The following ARAP1 variants were observed in gnomAD, a reference collection of about 807,000 sequenced individuals.
The protein encoded by ARAP1 is ArfGAP with RhoGAP domain, ankyrin repeat and PH domain 1, also known as arf-GAP with Rho-GAP domain, ANK repeat and PH domain-containing protein 1.
ARAP1 carries 76 observed loss-of-function variants against 172.2 expected under a neutral mutation model. The ratio of observed to expected loss-of-function variants is 0.44; its 90% CI spans 0.37 to 0.53. ARAP1 has a LOEUF of 0.53. Among genes scored for constraint, ARAP1 ranks in the 20% least tolerant of loss-of-function variants. The pLI is 0.00. For synonymous variants in ARAP1, 804 were observed against 803.3 expected (o/e 1.00, Z -0.01); for missense variants, 1,686 against 1,977.5 (o/e 0.85, Z 2.80).
chr11:72,705,508 T>C, intron 13 of ARAP1: 1 of 356,892 alleles, frequency 2.8e-6, no homozygotes, highest in South Asian at 6.5e-5. Flanking sequence ...AAGGGCGAAA[T>C]AGTAATTATT....
intron 5 of ARAP1, 73 bp downstream of exon 5, chr11:72,713,086 ACTCTCTGTCTGGTAGTC>A (rs1857104808): frequency 7.4e-7 from 1 of 1,359,754 alleles, no homozygotes. Context: ...ATGGCTGCCC[ACTCTCTGTCTGGTAGTC>A]CTCAGGGTCT....
rs139758455 is a variant in ARAP1, at chr11:72,697,939, C to G, written c.2709G>C (p.Pro903=). ...AVFPEGPCEE[P]LQLRKLQELS... ...GCTCCTGCAGTTTCCGTAGTTGCAG[C>G]GGCTCTTCGCAGGGCCCCTCCGGGA... The change falls in exon 19 of 35, where the codon CCG becomes CCC. Residue 903 remains proline, a synonymous_variant. Coordinates refer to ENST00000393609, the MANE Select transcript of ARAP1 (RefSeq NM_001040118.3). 26 of 1,607,020 alleles carry G rather than the reference C, an allele frequency of 1.6e-5. No individual in the cohort carries two copies. The highest frequency in any genetic ancestry group is 1.7e-6 in the Non-Finnish European group (2 of 1,176,560).
chr11:72,694,213 C>T (rs1856073089), intron 27 of ARAP1, among the ~76,000 whole-genome samples: 1 of 151,878 alleles, frequency 6.6e-6, no homozygotes, highest in Non-Finnish European at 1.5e-5. Context: ...CACATTACCG[C>T]CTTCTCCTTG....
rs776682300 is a variant in ARAP1, at chr11:72,714,252, C to T, written c.579G>A (p.Glu193=). The T allele has an allele frequency of 1.3e-6, 2 of 1,534,738 alleles. No homozygotes were observed. The highest frequency in any genetic ancestry group is 1.8e-6 in the Non-Finnish European group (2 of 1,142,438). Residue 193 remains glutamate, a synonymous_variant, in exon 4 of 35, where the codon GAG becomes GAA. Transcript: ENST00000393609. ...LSSPPQPQSE[E]PLSTLPQGPP... Reference sequence around the variant, plus strand: ...GCCCCTGGGGGAGGGTGGACAGGGGCTCCTCAGACTGTGGCTGGGGAGGGG... The same window carrying T: ...GCCCCTGGGGGAGGGTGGACAGGGGTTCCTCAGACTGTGGCTGGGGAGGGG...
In ARAP1 at chr11:72,697,306, C is replaced by T; in HGVS notation, c.2953+17G>A. On this transcript the variant is annotated intron_variant, in intron 21 of 34. Transcript: ENST00000393609. ...CTCCGGGAGGGGCGGGGCTGGCACC[C>T]TAGGGGCAGGGCTCACCGCACTGCG... The T allele has an allele frequency of 3.2e-6, 5 of 1,576,388 alleles. No homozygotes were observed. Among genetic ancestry groups the T allele is most frequent in the Non-Finnish European group, 4.3e-6 (5 of 1,160,060 alleles).
chr11:72,690,349 G>A (rs1855887347), intron 30 of ARAP1, among the ~76,000 whole-genome samples: 2 of 152,160 alleles, frequency 1.3e-5, no homozygotes, highest in Admixed American at 1.3e-4. Context: ...ATGTAAGGGT[G>A]GCTGAGTCAG....
In ARAP1 at chr11:72,687,840, CCAGAGT is replaced by C. The variant is rs1394955483; in HGVS notation, c.4071-108_4071-103del. ...CCAGAAGCCACAGCCAGAGCCAGAG[CCAGAGT>C]TCAGAGCCTTCTCACAAGAGTGGCA... is the stretch of plus-strand genomic sequence containing the variant. On this transcript the variant is annotated intron_variant, in intron 31 of 34. Coordinates refer to ENST00000393609, the MANE Select transcript of ARAP1 (RefSeq NM_001040118.3). The C allele has an allele frequency of 3.6e-6, 5 of 1,392,690 alleles. No individual in the cohort carries two copies. In the Admixed American group the frequency reaches 6.7e-5, roughly 19 times the overall value. The allele number at this position is 1,392,690 out of a possible 1,614,324, so 86.3% of individuals were successfully genotyped here. A position where few individuals can be genotyped will look rare whatever the true frequency, so the allele number is the denominator to read the frequency against.
At position 72,714,169 on chromosome 11, in the gene ARAP1, C is replaced by A; in HGVS notation, c.662G>T (p.Arg221Leu). 1.3e-6 allele frequency: 2 copies of A among 1,501,410 alleles called. No individual in the cohort carries two copies. Among genetic ancestry groups the A allele is most frequent in the Non-Finnish European group, 1.8e-6 (2 of 1,131,802 alleles). 93.0% of individuals were successfully genotyped at this position (1,501,410 alleles called of 1,614,324 possible). ...CPPEIPPKPV[R>L]LFPEFDDSDY... ...GCACTCACCGAACTCTGGGAACAGG[C>A]GTACCGGCTTTGGAGGTATCTCCGG... The change falls in exon 4 of 35, where the codon CGC (arginine) becomes CTC (leucine). Residue 221 changes from arginine to leucine, a missense_variant. Physicochemically the swap from Arg to Leu is moderately radical, Grantham distance 102 (BLOSUM62 -2). Transcript: ENST00000393609.
chr11:72,744,031 G>A (rs1858281652), intron 1 of ARAP1, among the ~76,000 whole-genome samples: 1 of 151,990 alleles, frequency 6.6e-6, no homozygotes, highest in Non-Finnish European at 1.5e-5. Context: ...TTGCTTACCC[G>A]GTTCCCTTTG....
In ARAP1 at chr11:72,703,208, AAG is replaced by A. The variant is rs1425026049; in HGVS notation, c.1993-131_1993-130del. The A allele has an allele frequency of 4.6e-5, 42 of 920,870 alleles. No individual in the cohort carries two copies. The African/African-American group carries it at 5.6e-4, about 12-fold the overall frequency. The allele number at this position is 920,870 out of a possible 1,614,324, so 57.0% of individuals were successfully genotyped here. The stretch of plus-strand genomic sequence containing the variant: ...CTGGAGCAGTCCATCCTCAGACTGA[AAG>A]AGAGAATAGGAAGGAAGAAAGAGAG... On this transcript the variant is annotated intron_variant, in intron 14 of 34. Transcript: ENST00000393609.
intron 2 of ARAP1, among the ~76,000 whole-genome samples, chr11:72,729,325 C>G (rs1181685861): frequency 6.6e-6 from 1 of 152,190 alleles, no homozygotes; most frequent in African/African-American, 2.4e-5. Flanking sequence ...GGCAAGGTGG[C>G]TCACACCTAT....
rs771620349 is a variant in ARAP1, at chr11:72,711,035, C to T, written c.1199G>A (p.Arg400Gln). The change falls in exon 9 of 35, where the codon CGG (arginine) becomes CAG (glutamine). Residue 400 changes from arginine (R) to glutamine (Q), a missense_variant. Coordinates refer to ENST00000393609, the MANE Select transcript of ARAP1 (RefSeq NM_001040118.3). Reference sequence around the variant, plus strand: ...ACACTCCCCACCATCACTCTCTGCCCGGAAGGCAAAGGTTCGGTTGTTTGT... The same window carrying T: ...ACACTCCCCACCATCACTCTCTGCCTGGAAGGCAAAGGTTCGGTTGTTTGT... ...VITNNRTFAF[R>Q]AESDVERKEW... 16 of 1,614,094 alleles carry T rather than the reference C, an allele frequency of 9.9e-6. No individual in the cohort carries two copies. The highest frequency in any genetic ancestry group is 4.0e-5 in the African/African-American group (3 of 74,938).
chr11:72,688,455 C>A lies in ARAP1; in HGVS notation c.4070G>T (p.Cys1357Phe). Residue 1357 changes from cysteine (C) to phenylalanine (F), a missense_variant and splice_region_variant, in exon 31 of 35, where the codon TGC (cysteine) becomes TTC (phenylalanine). By Grantham distance (205) the Cys-to-Phe change is radical. Coordinates refer to ENST00000393609, the MANE Select transcript of ARAP1 (RefSeq NM_001040118.3). ...GVKKKLRPPT[C>F]WGFTVVHETE... is the part of the protein sequence containing the mutation. ...GCCTATCTGCCCAGTCCCAGCTTAC[C>A]AGGTGGGTGGCCTGAGTTTCTTCTT... 1 of 1,611,342 alleles carries A rather than the reference C, an allele frequency of 6.2e-7. No individual in the cohort carries two copies. The highest frequency in any genetic ancestry group is 1.1e-5 in the South Asian group (1 of 90,242).
At position 72,710,418 on chromosome 11, in the gene ARAP1, G is replaced by A. The variant is rs774465190; in HGVS notation, c.1383C>T (p.Val461=). 22 of 1,613,852 alleles carry A rather than the reference G, an allele frequency of 1.4e-5. No homozygotes were observed. The highest frequency in any genetic ancestry group is 2.7e-5 in the African/African-American group (2 of 74,886). The change falls in exon 10 of 35, where the codon GTC becomes GTT. Residue 461 remains valine, a synonymous_variant. Transcript: ENST00000393609. The surrounding 1 kb of genome is among the most constrained non-coding windows in gnomAD (Gnocchi z 4.3). ...GFKNKLYVAV[V]GDKVQLYKNL... ...TCTTGTAGAGCTGCACTTTGTCCCC[G>A]ACCACGGCCACGTACAGCTTATTCT...
At position 72,710,308 on chromosome 11, in the gene ARAP1, A is replaced by G; in HGVS notation, c.1416+77T>C. On this transcript the variant is annotated intron_variant, in intron 10 of 34. Transcript: ENST00000393609. This position sits in a 1 kb window ranked among gnomAD's most constrained non-coding sequence, Gnocchi z 4.3. ...CAGGAAAAGAGGGAACAGAAAAGGC[A>G]GGGCTAAGGCCCTAGGTCAGCCTGG... 1 of 1,546,486 alleles carries G rather than the reference A, an allele frequency of 6.5e-7. No homozygotes were observed. The highest frequency in any genetic ancestry group is 8.9e-7 in the Non-Finnish European group (1 of 1,127,034).
intron 5 of ARAP1, 130 bp downstream of exon 5, chr11:72,713,046 G>A: frequency 1.1e-6 from 1 of 952,200 alleles, no homozygotes; most frequent in Non-Finnish European, 1.6e-6. Context: ...GCAAGAGAGT[G>A]AGGTGGGGGA....
chr11:72,727,150 G>C lies in ARAP1; in HGVS notation c.-22C>G. ...CCATGGTTCCTGCCAGCGGAGGCCT[G>C]ACTGGCAGGGCTTTGTCCAGAGCTA... On this transcript the variant is annotated 5_prime_UTR_variant, in exon 3 of 35. Transcript: ENST00000393609. 6.4e-7 allele frequency: 1 copy of C among 1,556,200 alleles called. No individual in the cohort carries two copies. The highest frequency in any genetic ancestry group is 8.7e-7 in the Non-Finnish European group (1 of 1,149,800).
At chr11:72,691,356 G>A (rs529815888) in intron 30 of ARAP1, among the ~76,000 whole-genome samples, 8 of 152,192 alleles carry the variant, frequency 5.3e-5, no homozygotes, top group East Asian at 1.9e-4. Flanking sequence ...GGATCCACAC[G>A]TCCCTTTCCA....
intron 4 of ARAP1, 103 bp from the exon 5 acceptor site, chr11:72,713,346 A>C: frequency 9.5e-7 from 1 of 1,051,656 alleles, no homozygotes. Flanking sequence ...CAAGACCCCC[A>C]TCCCCACCTC....
Sources: gnomAD v4.1 joint callset for allele counts (sites outside exome capture counted in the v4.1 genomes callset) on GRCh38, gnomAD v4.1.1 for gene constraint, Gnocchi (gnomAD v3.1) non-coding constraint, MANE v1.5 for transcripts, NCBI Gene and HGNC (gene_info 2026-07-23, HGNC 2026-07-21) for gene names.